Variants in CACNA2D1 observed in about 807,000 individuals in gnomAD.
The protein encoded by CACNA2D1 is calcium voltage-gated channel auxiliary subunit alpha2delta 1, also known as voltage-dependent calcium channel subunit alpha-2/delta-1.
In CACNA2D1, 53 loss-of-function variants were observed where a neutral mutation model predicts 171.5. That is an observed-to-expected ratio of 0.31 (90% confidence interval 0.25 to 0.39). The LOEUF is 0.39. CACNA2D1 is among the 10% of genes least tolerant of loss of function. The pLI is 1.00. For synonymous variants in CACNA2D1, 442 were observed against 443.1 expected, an observed-to-expected ratio of 1.00 and a Z score of 0.03; for missense variants, 903 against 1,299.8, an observed-to-expected ratio of 0.69 and a Z score of 4.69.
Position 82,071,599 on chromosome 7 carries a change from A to G in CACNA2D1, c.659-5075T>C, listed in dbSNP as rs117097986. On this transcript the variant is annotated intron_variant, in intron 7 of 38. Coordinates refer to ENST00000356860, the MANE Select transcript of CACNA2D1 (RefSeq NM_000722.4). Reference sequence around the variant, plus strand: ...TTTTATTCATTTGTTGAGACTTTGAATCATCTATGGGGAGGAGCTGAATAT... The same window carrying G: ...TTTTATTCATTTGTTGAGACTTTGAGTCATCTATGGGGAGGAGCTGAATAT... Among the ~76,000 whole-genome samples the G allele has an allele frequency of 8.3e-3, 1,259 of 152,238 alleles. 6 individuals are homozygous for G. The highest frequency in any genetic ancestry group is 0.013 in the Admixed American group (193 of 15,278).
chr7:82,090,837 G>A (rs1422486499), intron 6 of CACNA2D1, among the ~76,000 whole-genome samples: 1 of 152,012 alleles, frequency 6.6e-6, no homozygotes, highest in Non-Finnish European at 1.5e-5. Context: ...AACACTTATT[G>A]TAAGTATGAT....
intron 1 of CACNA2D1, among the ~76,000 whole-genome samples, chr7:82,427,038 T>C (rs944228607): frequency 3.9e-5 from 6 of 152,192 alleles, no homozygotes; most frequent in African/African-American, 1.4e-4. Context: ...GGCAAAAACA[T>C]AGTATATATT....
At position 82,046,843 on chromosome 7, in the gene CACNA2D1, C is replaced by G. The variant is rs1674005072; in HGVS notation, c.880-8608G>C. Among the ~76,000 whole-genome samples, 3 of 152,220 alleles carry G rather than the reference C, an allele frequency of 2.0e-5. No homozygotes were observed. In the South Asian group the frequency reaches 6.2e-4, roughly 32 times the overall value. ...TTCATTTTTAAACAAATATTTCAAA[C>G]AACTCAAATCATGATGTAACCTATA... On this transcript the variant is annotated intron_variant, in intron 10 of 38. Coordinates refer to ENST00000356860, the MANE Select transcript of CACNA2D1 (RefSeq NM_000722.4).
At chr7:82,106,335 T>C (rs913304492) in intron 6 of CACNA2D1, among the ~76,000 whole-genome samples, 1 of 152,148 alleles carries the variant, frequency 6.6e-6, no homozygotes, top group Non-Finnish European at 1.5e-5. Flanking sequence ...TGAACAGTAC[T>C]GTCAGCCTGT....
At chr7:82,201,523 T>C (rs1265398311) in intron 3 of CACNA2D1, among the ~76,000 whole-genome samples, 1 of 152,158 alleles carries the variant, frequency 6.6e-6, no homozygotes, top group Admixed American at 6.5e-5. Context: ...TGTTGGACAA[T>C]GTTGGTGACT....
chr7:82,271,443 A>T (rs1808623384), intron 3 of CACNA2D1, among the ~76,000 whole-genome samples: 1 of 152,120 alleles, frequency 6.6e-6, no homozygotes, highest in Non-Finnish European at 1.5e-5. Context: ...GAACATTTTT[A>T]ATTATAATTG....
At chr7:82,120,440 A>G (rs1789580065) in intron 5 of CACNA2D1, among the ~76,000 whole-genome samples, 2 of 152,244 alleles carry the variant, frequency 1.3e-5, no homozygotes, top group Admixed American at 6.5e-5. Flanking sequence ...TGGATATGTA[A>G]TATGCCTTAA....
chr7:82,051,004 T>G, intron 10 of CACNA2D1: 1 of 245,088 alleles, frequency 4.1e-6, no homozygotes, highest in Non-Finnish European at 8.1e-6. Flanking sequence ...AAACCAGATG[T>G]GAGCTTACTA....
At chr7:82,152,158 TTAATA>T (rs1205887468) in intron 4 of CACNA2D1, among the ~76,000 whole-genome samples, 3 of 152,100 alleles carry the variant, frequency 2.0e-5, no homozygotes, top group East Asian at 1.9e-4. Context: ...CTTATAAGTA[TTAATA>T]TAATAATATG....
chr7:82,029,792 T>A (rs183036540), intron 12 of CACNA2D1: 14 of 151,920 alleles, frequency 9.2e-5, no homozygotes, highest in South Asian at 8.3e-4. Flanking sequence ...AGAACTTTGT[T>A]ATAGCCTCTG....
At chr7:81,993,216 T>C (rs1289660875) in intron 20 of CACNA2D1, among the ~76,000 whole-genome samples, 1 of 152,126 alleles carries the variant, frequency 6.6e-6, no homozygotes, top group Admixed American at 6.6e-5. Context: ...TTCAGACAGA[T>C]TGTAGTGAAA....
intron 3 of CACNA2D1, among the ~76,000 whole-genome samples, chr7:82,224,681 C>T (rs192382730): frequency 1.3e-5 from 2 of 152,316 alleles, no homozygotes; most frequent in East Asian, 3.9e-4. Flanking sequence ...CCTGTCTTAA[C>T]AGAAACTGTG....
chr7:82,089,919 A>T (rs897089878), intron 6 of CACNA2D1, among the ~76,000 whole-genome samples: 11 of 152,178 alleles, frequency 7.2e-5, no homozygotes, highest in African/African-American at 2.7e-4. Context: ...CCATACATTG[A>T]TGGCACCATA....
At chr7:82,328,570 G>C (rs2129443185) in intron 3 of CACNA2D1, among the ~76,000 whole-genome samples, 1 of 152,092 alleles carries the variant, frequency 6.6e-6, no homozygotes, top group South Asian at 2.1e-4. Flanking sequence ...AAAGAAAATT[G>C]CATGACCTCG....
At chr7:82,216,514 A>G (rs1018733275) in intron 3 of CACNA2D1, among the ~76,000 whole-genome samples, 2 of 152,204 alleles carry the variant, frequency 1.3e-5, no homozygotes, top group African/African-American at 4.8e-5. Flanking sequence ...CAGTTTATCA[A>G]AATCAATTTG....
chr7:82,136,517 G>T, intron 5 of CACNA2D1, 118 bp downstream of exon 5: 2 of 677,744 alleles, frequency 3.0e-6, no homozygotes, highest in Non-Finnish European at 5.1e-6. Flanking sequence ...CTAGTATTTT[G>T]CTCATGCAGT....
At chr7:82,007,219 G>A (rs986953768) in intron 16 of CACNA2D1, among the ~76,000 whole-genome samples, 6 of 151,998 alleles carry the variant, frequency 3.9e-5, no homozygotes, top group Non-Finnish European at 7.4e-5. Flanking sequence ...ATTTAAATCA[G>A]ATCCTTAAGT....
chr7:82,113,239 A>G (rs1209105729), intron 6 of CACNA2D1, among the ~76,000 whole-genome samples: 2 of 152,154 alleles, frequency 1.3e-5, no homozygotes, highest in Non-Finnish European at 2.9e-5. Context: ...CATTTAAAAT[A>G]ATTATACAAT....
intron 2 of CACNA2D1, among the ~76,000 whole-genome samples, chr7:82,347,942 T>C (rs1422266968): frequency 2.0e-5 from 3 of 152,068 alleles, no homozygotes; most frequent in African/African-American, 2.4e-5. Context: ...TAATGATTCA[T>C]TGCAAAAAAG....
Sources: gnomAD v4.1 joint callset for allele counts (sites outside exome capture counted in the v4.1 genomes callset) on GRCh38, gnomAD v4.1.1 for gene constraint, MANE v1.5 for transcripts, NCBI Gene and HGNC (gene_info 2026-07-23, HGNC 2026-07-21) for gene names.